Variants in CTNND2 observed in about 807,000 individuals in gnomAD.
The protein encoded by CTNND2 is catenin delta 2, also known as catenin delta-2.
A neutral mutation model predicts 144.4 loss-of-function variants in CTNND2; 22 were observed. The ratio of observed to expected loss-of-function variants is 0.15; its 90% confidence interval spans 0.11 to 0.22. The LOEUF is 0.22. Among genes scored for constraint, CTNND2 ranks in the 10% least tolerant of loss-of-function variants. The pLI is 1.00. For missense variants in CTNND2, 1,353 were observed against 1,618.8 expected (o/e 0.84, Z 2.82); for synonymous variants, 751 against 695.6 (o/e 1.08, Z -1.25).
intron 16 of CTNND2, among the ~76,000 whole-genome samples, chr5:11,074,453 A>G (rs1748697262): frequency 6.6e-6 from 1 of 152,172 alleles, no homozygotes; most frequent in South Asian, 2.1e-4. Flanking sequence ...CCTGAGTATC[A>G]TTTGTAACCA....
intron 9 of CTNND2, among the ~76,000 whole-genome samples, chr5:11,303,700 T>C (rs1443083038): frequency 4.6e-5 from 7 of 152,156 alleles, no homozygotes; most frequent in African/African-American, 1.7e-4. Context: ...TATGTGGTAA[T>C]GGGAAACCAA....
intron 3 of CTNND2, among the ~76,000 whole-genome samples, chr5:11,419,341 A>T (rs1280268469): frequency 6.6e-6 from 1 of 152,162 alleles, no homozygotes; most frequent in Non-Finnish European, 1.5e-5. Context: ...TGCTTAGTTA[A>T]ATGTTTAGAT....
chr5:11,448,841 T>G (rs576773), intron 3 of CTNND2, among the ~76,000 whole-genome samples: 117,619 of 151,324 alleles, frequency 0.78, 46,142 homozygotes, highest in African/African-American at 0.89. Flanking sequence ...GCTTTTTGTG[T>G]TTTTTTTTGC....
rs1228384676 is a variant in CTNND2, at chr5:11,359,469, T to G, written c.1372+5227A>C. 3.3e-5 allele frequency among the ~76,000 whole-genome samples: 5 copies of G among 152,176 alleles called. No individual in the cohort carries two copies. In the East Asian group the frequency reaches 9.6e-4, roughly 29 times the overall value. ...TCCTGCAAGAAAGATGTGGCTGTCA[T>G]GTCTGGTGATGGGTACTCTCCGGGA... On this transcript the variant is annotated intron_variant, in intron 8 of 21. Transcript: ENST00000304623.
chr5:11,870,899 G>T (rs781751039), intron 1 of CTNND2, among the ~76,000 whole-genome samples: 23 of 152,190 alleles, frequency 1.5e-4, no homozygotes, highest in Non-Finnish European at 3.2e-4. Context: ...AGACACAGGG[G>T]TAAGGTTTCT....
chr5:11,208,927 T>C (rs1738331163), intron 10 of CTNND2, among the ~76,000 whole-genome samples: 1 of 152,204 alleles, frequency 6.6e-6, no homozygotes, highest in African/African-American at 2.4e-5. Context: ...TAAAGTGATA[T>C]CTCTTTTTAG....
At chr5:11,541,843 C>CT (rs925161674) in intron 3 of CTNND2, among the ~76,000 whole-genome samples, 1 of 141,912 alleles carries the variant, frequency 7.0e-6, no homozygotes, top group African/African-American at 2.8e-5. Flanking sequence ...TATCGACCCC[C>CT]CCCCCCCGGC....
At chr5:11,152,748 T>C (rs2149755561) in intron 12 of CTNND2, among the ~76,000 whole-genome samples, 1 of 152,214 alleles carries the variant, frequency 6.6e-6, no homozygotes, top group South Asian at 2.1e-4. Context: ...CTGAACTCTG[T>C]CCCCTCCCAT....
intron 3 of CTNND2, among the ~76,000 whole-genome samples, chr5:11,504,226 T>C (rs1163845721): frequency 2.0e-5 from 3 of 152,198 alleles, no homozygotes; most frequent in African/African-American, 4.8e-5. Context: ...AATCTACTCC[T>C]TGGATAAAGG....
At chr5:11,145,605 G>A (rs1328284132) in intron 12 of CTNND2, among the ~76,000 whole-genome samples, 2 of 152,014 alleles carry the variant, frequency 1.3e-5, no homozygotes, top group African/African-American at 4.8e-5. Flanking sequence ...TGCTATCATG[G>A]GTCCTCTCAT....
At chr5:11,851,286 T>C (rs1795000943) in intron 1 of CTNND2, among the ~76,000 whole-genome samples, 1 of 152,074 alleles carries the variant, frequency 6.6e-6, no homozygotes, top group South Asian at 2.1e-4. Context: ...TATGTGGGTG[T>C]GAGTGTATAT....
intron 9 of CTNND2, among the ~76,000 whole-genome samples, chr5:11,272,108 A>G (rs1746087065): frequency 6.6e-6 from 1 of 152,196 alleles, no homozygotes; most frequent in African/African-American, 2.4e-5. Flanking sequence ...TTCTTAAAAT[A>G]CCAATTCCTG....
chr5:11,084,719 C>T (rs1259837844), intron 15 of CTNND2, among the ~76,000 whole-genome samples: 1 of 152,088 alleles, frequency 6.6e-6, no homozygotes, highest in African/African-American at 2.4e-5. Context: ...TTGCAGGCCC[C>T]ATGCGACTGG....
In CTNND2 at chr5:11,136,186, T is replaced by A. The variant is rs539299093; in HGVS notation, c.2160-18619A>T. 2.0e-5 allele frequency among the ~76,000 whole-genome samples: 3 copies of A among 152,278 alleles called. No individual in the cohort carries two copies. The South Asian group carries it at 6.2e-4, about 32-fold the overall frequency. ...TTGGACTTCCCAGCCTCTAGAACTG[T>A]CAGAAATACATTTCTGTTGTTTGTG... On this transcript the variant is annotated intron_variant, in intron 12 of 21. Coordinates refer to ENST00000304623, the MANE Select transcript of CTNND2 (RefSeq NM_001332.4).
intron 3 of CTNND2, among the ~76,000 whole-genome samples, chr5:11,517,512 T>C (rs1402733334): frequency 6.6e-6 from 1 of 152,170 alleles, no homozygotes; most frequent in East Asian, 1.9e-4. Flanking sequence ...ATGTGATGCT[T>C]TGATGTATGT....
intron 3 of CTNND2, among the ~76,000 whole-genome samples, chr5:11,481,029 C>T (rs1768214124): frequency 6.6e-6 from 1 of 152,112 alleles, no homozygotes; most frequent in African/African-American, 2.4e-5. Flanking sequence ...AAGAAAAAAG[C>T]TCTACAATCA....
intron 2 of CTNND2, among the ~76,000 whole-genome samples, chr5:11,574,092 G>A (rs191653067): frequency 2.1e-3 from 317 of 152,042 alleles, no homozygotes; most frequent in Non-Finnish European, 3.6e-3. Context: ...TCCATTCCCC[G>A]AGAACTGAAG....
chr5:11,012,051 G>A (rs1297544326), intron 18 of CTNND2, among the ~76,000 whole-genome samples: 2 of 152,222 alleles, frequency 1.3e-5, no homozygotes, highest in African/African-American at 4.8e-5. Flanking sequence ...TGGACAGGAT[G>A]GCAGAGACGG....
At chr5:11,042,467 G>A (rs1241440625) in intron 16 of CTNND2, among the ~76,000 whole-genome samples, 1 of 152,158 alleles carries the variant, frequency 6.6e-6, no homozygotes, top group Non-Finnish European at 1.5e-5. Context: ...GTAATTATTT[G>A]CTTAAAATTT....
Sources: allele counts gnomAD v4.1 joint callset (sites outside exome capture counted in the v4.1 genomes callset), GRCh38; gene constraint gnomAD v4.1.1; transcripts MANE v1.5; gene names NCBI Gene and HGNC (gene_info 2026-07-23, HGNC 2026-07-21).